The following DLGAP2 variants were observed in gnomAD, a reference collection of about 807,000 sequenced individuals.
DLGAP2 encodes the protein DLG associated protein 2, also known as disks large-associated protein 2.
DLGAP2 carries 26 observed loss-of-function variants against 100.3 expected under a neutral mutation model. The ratio of observed to expected loss-of-function variants is 0.26; its 90% CI spans 0.19 to 0.36. The LOEUF (loss-of-function observed/expected upper bound fraction) is 0.36, where lower values mean the gene tolerates loss of function less well. DLGAP2 is among the 10% of genes least tolerant of loss of function. DLGAP2 has a pLI of 1.00. For synonymous variants in DLGAP2, 886 were observed against 630.1 expected (o/e 1.41, Z -6.08); for missense variants, 1,858 against 1,453.2 (o/e 1.28, Z -4.53).
chr8:1,444,403 A>G (rs1373972082), intron 3 of DLGAP2, among the ~76,000 whole-genome samples: 4 of 152,180 alleles, frequency 2.6e-5, no homozygotes, highest in Non-Finnish European at 2.9e-5. Flanking sequence ...GGCTTTCTTC[A>G]TTTCTGGAGG....
At chr8:1,238,498 G>T (rs1383946224) in intron 2 of DLGAP2, among the ~76,000 whole-genome samples, 1 of 134,856 alleles carries the variant, frequency 7.4e-6, no homozygotes, top group African/African-American at 2.7e-5. Context: ...CTCTCACATG[G>T]CGCCGTGTCT....
At position 1,177,979 on chromosome 8, in the gene DLGAP2, C is replaced by A. The variant is rs544750339; in HGVS notation, c.74-80872C>A. ...GTGATCGACATCTCCAACACAGCAT[C>A]TCCCGGTGAAGGGCTGTGGCCGTGG... On this transcript the variant is annotated intron_variant, in intron 2 of 14. Coordinates refer to ENST00000637795, the MANE Select transcript of DLGAP2 (RefSeq NM_001346810.2). Among the ~76,000 whole-genome samples the A allele has an allele frequency of 7.2e-5, 11 of 152,358 alleles. No individual in the cohort carries two copies. The East Asian group carries it at 1.9e-3, about 27-fold the overall frequency.
intron 3 of DLGAP2, among the ~76,000 whole-genome samples, chr8:1,439,211 G>C (rs535861122): frequency 6.6e-6 from 1 of 152,174 alleles, no homozygotes; most frequent in South Asian, 2.1e-4. Context: ...CTCCCCTCCA[G>C]AGGCAGGAGC....
intron 2 of DLGAP2, among the ~76,000 whole-genome samples, chr8:911,506 G>A (rs1798483706): frequency 6.6e-6 from 1 of 150,444 alleles, no homozygotes; most frequent in Non-Finnish European, 1.5e-5. Context: ...AAGGATGTGT[G>A]TGTAATATAT....
At chr8:1,288,431 G>GTGTA (rs1491290919) in intron 3 of DLGAP2, among the ~76,000 whole-genome samples, 1 of 142,370 alleles carries the variant, frequency 7.0e-6, no homozygotes, top group African/African-American at 2.6e-5. Context: ...TTTTGGTTCA[G>GTGTA]TGTGTGTGTG....
At chr8:1,175,407 T>C (rs572296142) in intron 2 of DLGAP2, among the ~76,000 whole-genome samples, 35 of 152,320 alleles carry the variant, frequency 2.3e-4, no homozygotes, top group Non-Finnish European at 3.7e-4. Context: ...TACATTACCA[T>C]CATAGTTGTG....
chr8:983,822 T>C (rs1357573798), intron 2 of DLGAP2, among the ~76,000 whole-genome samples: 1 of 152,084 alleles, frequency 6.6e-6, no homozygotes, highest in African/African-American at 2.4e-5. Flanking sequence ...ATTTTTTTTG[T>C]AGAGACCAGG....
At chr8:1,564,278 T>G (rs1386834272) in intron 5 of DLGAP2, among the ~76,000 whole-genome samples, 1 of 152,192 alleles carries the variant, frequency 6.6e-6, no homozygotes. Flanking sequence ...TGGAAACCAT[T>G]GTGTTCCAGT....
At chr8:963,997 A>T (rs531803464) in intron 2 of DLGAP2, among the ~76,000 whole-genome samples, 1 of 152,222 alleles carries the variant, frequency 6.6e-6, no homozygotes, top group Non-Finnish European at 1.5e-5. Context: ...CCAAATGTGT[A>T]TATTTTTATA....
chr8:1,315,715 G>C (rs1585251504), intron 3 of DLGAP2, among the ~76,000 whole-genome samples: 1 of 50,882 alleles, frequency 2.0e-5, no homozygotes, highest in Non-Finnish European at 3.4e-5. Context: ...GAGCCTGTAC[G>C]AGTGCAGCGT....
intron 2 of DLGAP2, among the ~76,000 whole-genome samples, chr8:1,121,547 A>T (rs749574052): frequency 6.6e-6 from 1 of 150,654 alleles, no homozygotes; most frequent in South Asian, 2.1e-4. Flanking sequence ...TTCAGAACTC[A>T]TGACCACCCA....
At chr8:959,270 C>G (rs991479162) in intron 2 of DLGAP2, among the ~76,000 whole-genome samples, 7 of 152,120 alleles carry the variant, frequency 4.6e-5, no homozygotes, top group Admixed American at 3.3e-4. Flanking sequence ...TGTTGTGGCT[C>G]TAATGTTTTG....
intron 2 of DLGAP2, among the ~76,000 whole-genome samples, chr8:944,981 ATAGT>A (rs1799284125): frequency 2.0e-5 from 3 of 152,178 alleles, no homozygotes; most frequent in Non-Finnish European, 4.4e-5. Context: ...CTGTGGAGTG[ATAGT>A]TGGTCACTTC....
chr8:986,682 C>T (rs1441410337), intron 2 of DLGAP2, among the ~76,000 whole-genome samples: 3 of 138,790 alleles, frequency 2.2e-5, no homozygotes, highest in Admixed American at 7.1e-5. Flanking sequence ...TTTTTTGAGA[C>T]AGAGTCTCAC....
At chr8:1,677,790 G>A (rs1798844242) in intron 11 of DLGAP2, among the ~76,000 whole-genome samples, 1 of 152,178 alleles carries the variant, frequency 6.6e-6, no homozygotes, top group Non-Finnish European at 1.5e-5. Context: ...AGTGGCTCAG[G>A]CCCTGAAACA....
chr8:1,515,633 A>G (rs1271609899), intron 4 of DLGAP2, among the ~76,000 whole-genome samples: 1 of 152,022 alleles, frequency 6.6e-6, no homozygotes, highest in Non-Finnish European at 1.5e-5. Context: ...TGCAGACACA[A>G]GCACACACAC....
chr8:980,137 G>C (rs1326177393), intron 2 of DLGAP2, among the ~76,000 whole-genome samples: 1 of 152,218 alleles, frequency 6.6e-6, no homozygotes, highest in Non-Finnish European at 1.5e-5. Flanking sequence ...AGGAGTGACT[G>C]AAGAGGAGAC....
intron 2 of DLGAP2, among the ~76,000 whole-genome samples, chr8:1,220,812 T>C (rs1798300877): frequency 6.6e-6 from 1 of 152,230 alleles, no homozygotes; most frequent in African/African-American, 2.4e-5. Flanking sequence ...TATTTAGTTT[T>C]GTTAAGCCTT....
At chr8:1,384,130 C>G (rs1796158422) in intron 3 of DLGAP2, among the ~76,000 whole-genome samples, 1 of 152,244 alleles carries the variant, frequency 6.6e-6, no homozygotes, top group Non-Finnish European at 1.5e-5. Context: ...CATTAGGTTA[C>G]TAGGCCAGGT....
Sources: allele counts gnomAD v4.1 joint callset (sites outside exome capture counted in the v4.1 genomes callset), GRCh38; gene constraint gnomAD v4.1.1; transcripts MANE v1.5; gene names NCBI Gene and HGNC (gene_info 2026-07-23, HGNC 2026-07-21).